ZPBP: variants seen among roughly 807,000 people sequenced by gnomAD.
The protein encoded by ZPBP is zona pellucida binding protein.
Under a neutral mutation model 44.8 loss-of-function variants are expected in ZPBP, and 26 were observed. The observed-to-expected ratio is 0.58, with a 90% confidence interval of 0.43 to 0.81. ZPBP has a LOEUF of 0.81. Among genes scored for constraint, ZPBP ranks in the 30% least tolerant of loss-of-function variants. The probability of loss-of-function intolerance (pLI) is 0.00; values close to 1 mark genes in which losing one functional copy is unlikely to be tolerated. For synonymous variants in ZPBP, 174 were observed against 153.2 expected, an observed-to-expected ratio of 1.14 and a Z score of -1.00; for missense variants, 409 against 434.0, an observed-to-expected ratio of 0.94 and a Z score of 0.51.
chr7:50,060,371 AG>A (rs1801183744), intron 3 of ZPBP, among the ~76,000 whole-genome samples: 1 of 152,098 alleles, frequency 6.6e-6, no homozygotes, highest in Admixed American at 6.6e-5. Context: ...ACAAAACTAA[AG>A]GCTGGTTTTC....
At chr7:49,940,042 A>C (rs915610827) in intron 7 of ZPBP, among the ~76,000 whole-genome samples, 1 of 152,182 alleles carries the variant, frequency 6.6e-6, no homozygotes, top group East Asian at 1.9e-4. Flanking sequence ...GCTTGGCTAC[A>C]TCAACCAACA....
chr7:50,042,519 C>T (rs1800146301), intron 4 of ZPBP, among the ~76,000 whole-genome samples: 1 of 152,134 alleles, frequency 6.6e-6, no homozygotes, highest in African/African-American at 2.4e-5. Context: ...ATATTCAACA[C>T]TCTTAAAGAA....
chr7:50,012,231 A>C (rs1277364377), intron 6 of ZPBP, among the ~76,000 whole-genome samples: 1 of 152,102 alleles, frequency 6.6e-6, no homozygotes, highest in Non-Finnish European at 1.5e-5. Flanking sequence ...CACGCAACTC[A>C]CTAAAAGTGA....
intron 2 of ZPBP, among the ~76,000 whole-genome samples, chr7:49,852,634 G>T (rs1260641119): frequency 1.3e-5 from 2 of 152,116 alleles, no homozygotes; most frequent in Non-Finnish European, 2.9e-5. Flanking sequence ...GTGGGTGCAA[G>T]GTGATGTCTC....
At chr7:49,970,466 C>CTTTTTTTTTTTTTTTTTTTTTT (rs771955717) in intron 7 of ZPBP, among the ~76,000 whole-genome samples, 2 of 85,200 alleles carry the variant, frequency 2.3e-5, no homozygotes, top group African/African-American at 9.6e-5. Flanking sequence ...GCTGAATATA[C>CTTTTTTTTTTTTTTTTTTTTTT]TTTTTTTTTT....
chr7:49,848,569 C>T (rs531775275), downstream of ZPBP, among the ~76,000 whole-genome samples: 19 of 152,342 alleles, frequency 1.2e-4, no homozygotes, highest in Admixed American at 7.8e-4. Flanking sequence ...TGGTTTATCA[C>T]CCAGCTCCTC....
At chr7:50,054,850 A>G (rs1800856289) in intron 4 of ZPBP, among the ~76,000 whole-genome samples, 1 of 152,196 alleles carries the variant, frequency 6.6e-6, no homozygotes, top group Non-Finnish European at 1.5e-5. Context: ...AGCTATTCAG[A>G]CACACAAACA....
At chr7:49,893,377 G>A (rs908482984) in intron 2 of ZPBP, among the ~76,000 whole-genome samples, 3 of 152,158 alleles carry the variant, frequency 2.0e-5, no homozygotes, top group Non-Finnish European at 2.9e-5. Context: ...TAATTTGGCA[G>A]GATAGTTTTC....
At chr7:50,064,059 T>G (rs1801384505) in intron 3 of ZPBP, among the ~76,000 whole-genome samples, 1 of 152,220 alleles carries the variant, frequency 6.6e-6, no homozygotes, top group East Asian at 1.9e-4. Context: ...CGTATGTTCT[T>G]TTCTATTTTT....
chr7:49,925,034 C>T (rs1794180059), intron 1 of ZPBP, among the ~76,000 whole-genome samples: 1 of 152,230 alleles, frequency 6.6e-6, no homozygotes, highest in African/African-American at 2.4e-5. Flanking sequence ...TGAATGGGCC[C>T]AGCAGGAGCT....
Position 50,058,146 on chromosome 7 carries a change from A to C in ZPBP, c.335-5T>G, listed in dbSNP as rs1410640331. Reference sequence around the variant, plus strand: ...TTTGTGCAGTGCGGTTTTCTACTAAAGGAATAAGATACAGTTACGAGTTGC... The same window carrying C: ...TTTGTGCAGTGCGGTTTTCTACTAACGGAATAAGATACAGTTACGAGTTGC... On this transcript the variant is annotated splice_region_variant and splice_polypyrimidine_tract_variant and intron_variant, in intron 3 of 7. Coordinates refer to ENST00000046087, the MANE Select transcript of ZPBP (RefSeq NM_007009.3). 2 of 1,613,648 alleles carry C rather than the reference A, an allele frequency of 1.2e-6. No individual in the cohort carries two copies. The highest frequency in any genetic ancestry group is 3.3e-5 in the Admixed American group (2 of 59,992).
intron 2 of ZPBP, among the ~76,000 whole-genome samples, chr7:49,874,034 C>T (rs1791291852): frequency 6.6e-6 from 1 of 151,430 alleles, no homozygotes; most frequent in Non-Finnish European, 1.5e-5. Context: ...CATATGCACA[C>T]ACTATAGCAT....
chr7:50,018,362 C>A, intron 5 of ZPBP, 46 bp from the exon 6 acceptor site: 1 of 1,357,046 alleles, frequency 7.4e-7, no homozygotes, highest in South Asian at 1.2e-5. Flanking sequence ...TGTATTCTGT[C>A]ACAATATTTA....
At chr7:49,896,594 AC>A (rs1313830738) in intron 2 of ZPBP, among the ~76,000 whole-genome samples, 1 of 152,212 alleles carries the variant, frequency 6.6e-6, no homozygotes, top group Non-Finnish European at 1.5e-5. Flanking sequence ...AATCAATGAA[AC>A]CAAAAACTGG....
At chr7:49,868,561 G>A (rs1283498072) in intron 2 of ZPBP, among the ~76,000 whole-genome samples, 5 of 152,180 alleles carry the variant, frequency 3.3e-5, no homozygotes. Context: ...CTACATGTAT[G>A]TTTAACTTTT....
chr7:49,939,036 C>A (rs1356140134), intron 7 of ZPBP, among the ~76,000 whole-genome samples: 9 of 151,990 alleles, frequency 5.9e-5, no homozygotes, highest in African/African-American at 2.2e-4. Flanking sequence ...TTTAATTAAA[C>A]AAAGTAGATT....
chr7:49,877,481 A>AAAAAAAATATACATAT, intron 2 of ZPBP, among the ~76,000 whole-genome samples: 1 of 12,722 alleles, frequency 7.9e-5, no homozygotes, highest in African/African-American at 2.8e-4. Flanking sequence ...AAAAAAAAAA[A>AAAAAAAATATACATAT]ATATATATAT....
intron 6 of ZPBP, among the ~76,000 whole-genome samples, chr7:49,990,625 G>A (rs543771730): frequency 6.6e-6 from 1 of 151,464 alleles, no homozygotes; most frequent in East Asian, 1.9e-4. Flanking sequence ...TATATGGGGG[G>A]GGACTATGTT....
intron 7 of ZPBP, among the ~76,000 whole-genome samples, chr7:49,948,806 T>C (rs967135908): frequency 6.6e-6 from 1 of 152,166 alleles, no homozygotes; most frequent in African/African-American, 2.4e-5. Flanking sequence ...AAAATCAGTA[T>C]GGTGGCTCTT....
Sources: gnomAD v4.1 joint callset for allele counts (sites outside exome capture counted in the v4.1 genomes callset) on GRCh38, gnomAD v4.1.1 for gene constraint, MANE v1.5 for transcripts, NCBI Gene and HGNC (gene_info 2026-07-23, HGNC 2026-07-21) for gene names.